ULK1: variants seen among roughly 807,000 people sequenced by gnomAD.
ULK1 encodes the protein serine/threonine-protein kinase ULK1.
Under a neutral mutation model 117.5 loss-of-function variants are expected in ULK1, and 48 were observed. The observed-to-expected ratio is 0.41, with a 90% CI of 0.32 to 0.52. ULK1 has a LOEUF of 0.52. Among genes scored for constraint, ULK1 ranks in the 20% least tolerant of loss-of-function variants. ULK1 has a pLI of 0.29. For synonymous variants in ULK1, 790 were observed against 637.8 expected (o/e 1.24, Z -3.60); for missense variants, 1,387 against 1,473.4 (o/e 0.94, Z 0.96).
intron 23 of ULK1, among the ~76,000 whole-genome samples, chr12:131,918,983 G>A (rs1890020358): frequency 7.3e-6 from 1 of 136,330 alleles, no homozygotes; most frequent in Non-Finnish European, 1.6e-5. Context: ...TGTGTGGGGT[G>A]TCGGGTGTGT....
In ULK1 at chr12:131,894,715, C is replaced by G. The variant is rs1176762356; in HGVS notation, c.-287C>G. On this transcript the variant is annotated 5_prime_UTR_variant, in exon 1 of 28. Coordinates refer to ENST00000321867, the MANE Select transcript of ULK1 (RefSeq NM_003565.4). ...GCCGAGCCCGGGCCCTAGTTGGAGC[C>G]GGAGTCGGAGTCGGAGTCGGATCCG... is the stretch of plus-strand genomic sequence containing the variant. The G allele has an allele frequency of 6.6e-6, 1 of 151,132 alleles. No homozygotes were observed. Among genetic ancestry groups the G allele is most frequent in the African/African-American group, 2.4e-5 (1 of 41,060 alleles). The allele number at this position is 151,132 out of a possible 1,614,324, so 9.4% of individuals were successfully genotyped here. A position where few individuals can be genotyped will look rare whatever the true frequency, so the allele number is the denominator to read the frequency against.
intron 13 of ULK1, among the ~76,000 whole-genome samples, chr12:131,912,367 C>G (rs1297177607): frequency 6.6e-6 from 1 of 152,236 alleles, no homozygotes; most frequent in Admixed American, 6.5e-5. Flanking sequence ...GTGGGGGCCG[C>G]TCACCTCATG....
At chr12:131,907,579 C>G in intron 5 of ULK1, 48 bp downstream of exon 5, 2 of 1,589,464 alleles carry the variant, frequency 1.3e-6, no homozygotes, top group Middle Eastern at 2.0e-4. Flanking sequence ...TCCCACAGGG[C>G]CCGCACCCAG....
chr12:131,909,158 A>G lies in ULK1; in HGVS notation c.587A>G (p.Gln196Arg), dbSNP rs750620536. 1 of 1,609,672 alleles carries G rather than the reference A, an allele frequency of 6.2e-7. No homozygotes were observed. The highest frequency in any genetic ancestry group is 2.2e-5 in the East Asian group (1 of 44,664). Reference protein sequence around the residue: ...MYMAPEVIMSQHYDGKADLWS... With the variant: ...MYMAPEVIMSRHYDGKADLWS... The stretch of plus-strand genomic sequence containing the variant: ...CAGGCCCCCGAGGTCATCATGTCCC[A>G]GCACTACGACGGGAAGGCGGACCTG... Residue 196 changes from glutamine to arginine, a missense_variant, in exon 8 of 28, where the codon CAG becomes CGG. Around this residue, in one of 4 missense-constraint regions of ULK1, gnomAD observed 224 missense variants for 325.2 expected, o/e 0.69. Transcript: ENST00000321867.
intron 10 of ULK1, 98 bp from the exon 11 acceptor site, chr12:131,910,156 A>T: frequency 1.3e-6 from 2 of 1,577,230 alleles, no homozygotes; most frequent in South Asian, 2.2e-5. Context: ...CCGCCCGGGC[A>T]GGTGCCCAAC....
chr12:131,906,357 G>A (rs1156327897), intron 3 of ULK1: 2 of 154,736 alleles, frequency 1.3e-5, no homozygotes, highest in African/African-American at 4.8e-5. Context: ...CCAAAGTGTT[G>A]GGATTACAGG....
At chr12:131,911,835 C>G (rs1293495232) in intron 12 of ULK1, 107 bp from the exon 13 acceptor site, 1 of 1,488,030 alleles carries the variant, frequency 6.7e-7, no homozygotes, top group Non-Finnish European at 9.2e-7. Context: ...TCAGCCCCAG[C>G]GCCCCGATCT....
At chr12:131,917,347 G>T in intron 21 of ULK1, 64 bp from the exon 22 acceptor site, 2 of 1,320,824 alleles carry the variant, frequency 1.5e-6, no homozygotes, top group South Asian at 3.6e-5. Flanking sequence ...GGTTCGGCTC[G>T]GAGGCTGTGG....
At chr12:131,904,033 A>C (rs561876428) in intron 3 of ULK1, among the ~76,000 whole-genome samples, 50 of 152,130 alleles carry the variant, frequency 3.3e-4, no homozygotes, top group African/African-American at 1.1e-3. Context: ...TGCCCTGGGT[A>C]GGGGTGTTGG....
intron 23 of ULK1, 115 bp from the exon 24 acceptor site, chr12:131,919,097 A>G: frequency 1.6e-6 from 2 of 1,224,210 alleles, no homozygotes; most frequent in Non-Finnish European, 2.2e-6. Flanking sequence ...CCCGGGCTGC[A>G]GCAGGGGAGG....
chr12:131,910,753 G>A lies in ULK1; in HGVS notation c.901G>A (p.Gly301Ser), dbSNP rs769057532. ...GCCCTCGTACCCAAGCTCGGGGTCC[G>A]GCAGCAGCTCCAGCAGCAGCTCCAC... ...PVPSYPSSGS[G>S]SSSSSSSTSH... is the part of the protein sequence containing the mutation. The change falls in exon 12 of 28, where the codon GGC becomes AGC. Residue 301 changes from glycine (G) to serine (S), a missense_variant. Physicochemically the swap from Gly to Ser is moderately conservative, Grantham distance 56. This residue lies in a region of ULK1 where 260 missense variants were observed against 271.6 expected (regional missense o/e 0.96). Coordinates refer to ENST00000321867, the MANE Select transcript of ULK1 (RefSeq NM_003565.4). 4.7e-5 allele frequency: 75 copies of A among 1,612,712 alleles called. No individual in the cohort carries two copies. In the East Asian group the frequency reaches 1.5e-3, roughly 32 times the overall value.
chr12:131,914,293 T>A (rs562303921), intron 15 of ULK1, 59 bp from the exon 16 acceptor site: 1 of 1,581,804 alleles, frequency 6.3e-7, no homozygotes, highest in East Asian at 2.3e-5. Context: ...CCCAGCTCCA[T>A]GACCTCAGCC....
intron 2 of ULK1, 31 bp from the exon 3 acceptor site, chr12:131,895,752 C>T: frequency 6.2e-7 from 1 of 1,614,032 alleles, no homozygotes; most frequent in African/African-American, 1.3e-5. Flanking sequence ...CCCCTCCCCA[C>T]ACTGATAACA....
intron 3 of ULK1, among the ~76,000 whole-genome samples, chr12:131,899,575 C>G (rs1190946551): frequency 6.6e-6 from 1 of 152,170 alleles, no homozygotes; most frequent in South Asian, 2.1e-4. Flanking sequence ...ACTGCAGCCT[C>G]GAACACCTGA....
chr12:131,915,399 G>A lies in ULK1; in HGVS notation c.1587G>A (p.Arg529=), dbSNP rs746040169. 1 of 1,612,702 alleles carries A rather than the reference G, an allele frequency of 6.2e-7. No homozygotes were observed. Among genetic ancestry groups the A allele is most frequent in the South Asian group, 1.1e-5 (1 of 91,084 alleles). Residue 529 remains arginine (R), a synonymous_variant, in exon 18 of 28, where the codon CGG becomes CGA. Coordinates refer to ENST00000321867, the MANE Select transcript of ULK1 (RefSeq NM_003565.4). ...CCTCCCCACAGGGAGCTGAGATGCG[G>A]GGTGGCAGGTCCCCTCGTCCAGGTG... ...GTPSPQGAEM[R]GGRSPRPGSS...
At chr12:131,895,552 G>A (rs1475847125) in intron 1 of ULK1, 49 bp from the exon 2 acceptor site, 1 of 1,530,942 alleles carries the variant, frequency 6.5e-7, no homozygotes, top group Non-Finnish European at 9.0e-7. Context: ...GTCTGGGGGA[G>A]GCCTGCGAGG....
In ULK1 at chr12:131,916,383, T is replaced by C; in HGVS notation, c.1879-15T>C. 6.4e-7 allele frequency: 1 copy of C among 1,553,124 alleles called. No individual in the cohort carries two copies. ...GACCTGCGGGGCAGTCTTCACCCCA[T>C]CTCTGTCCTCCTAGGCTGTGCCCTC... is the stretch of plus-strand genomic sequence containing the variant. On this transcript the variant is annotated splice_polypyrimidine_tract_variant and intron_variant, in intron 19 of 27. Transcript: ENST00000321867.
chr12:131,896,924 T>C (rs1321396121), intron 3 of ULK1: 1 of 152,492 alleles, frequency 6.6e-6, no homozygotes, highest in African/African-American at 2.4e-5. Flanking sequence ...TGGGCTACAC[T>C]GCCTGCTGCT....
intron 4 of ULK1, 133 bp from the exon 5 acceptor site, chr12:131,907,362 C>A (rs920532503): frequency 1.1e-5 from 13 of 1,142,558 alleles, no homozygotes; most frequent in Admixed American, 2.6e-5. Context: ...TGTGGGGACA[C>A]CTGCCCTGGG....
Sources: gnomAD v4.1 joint callset for allele counts (sites outside exome capture counted in the v4.1 genomes callset) on GRCh38, gnomAD v4.1.1 for gene constraint, gnomAD v4.1.1 regional missense constraint, MANE v1.5 for transcripts, NCBI Gene and HGNC (gene_info 2026-07-23, HGNC 2026-07-21) for gene names.